The following P2RX5 variants were observed in gnomAD, a reference collection of about 807,000 sequenced individuals.
P2RX5 encodes the protein purinergic receptor P2X 5, also known as P2X purinoceptor 5.
In P2RX5, 46 loss-of-function variants were observed where a neutral mutation model predicts 54.1. The ratio of observed to expected loss-of-function variants is 0.85; its 90% confidence interval spans 0.67 to 1.09. The LOEUF is 1.09. Among genes scored for constraint, P2RX5 ranks in the 50% least tolerant of loss-of-function variants. P2RX5 has a pLI of 0.00. For synonymous variants in P2RX5, 226 were observed against 226.4 expected (o/e 1.00, Z 0.02); for missense variants, 566 against 549.8 (o/e 1.03, Z -0.29).
chr17:3,674,884 G>A (rs160586), intron 11 of P2RX5, among the ~76,000 whole-genome samples: 71,819 of 152,018 alleles, frequency 0.47, 18,080 homozygotes, highest in African/African-American at 0.65. Flanking sequence ...TGATCATTTG[G>A]TAAGGGTTCA....
upstream of P2RX5, among the ~76,000 whole-genome samples, chr17:3,699,979 T>G (rs201334417): frequency 1.5e-5 from 2 of 132,130 alleles, no homozygotes. Flanking sequence ...AGAAAGAAAA[T>G]TAGTGTATTT....
At chr17:3,716,735 C>A in the P2RX5 span, 1 of 1,612,222 alleles carries the variant, frequency 6.2e-7, no homozygotes, top group Non-Finnish European at 8.5e-7. Flanking sequence ...AGTCCACCAA[C>A]GCTGCCTTTA....
chr17:3,690,876 C>A, intron 3 of P2RX5, 80 bp downstream of exon 3: 1 of 1,339,594 alleles, frequency 7.5e-7, no homozygotes, highest in South Asian at 1.2e-5. Flanking sequence ...GACAGACACC[C>A]TTGCTTCAGA....
intron 10 of P2RX5, among the ~76,000 whole-genome samples, chr17:3,680,143 CTG>C (rs1204263093): frequency 2.5e-4 from 32 of 129,862 alleles, no homozygotes; most frequent in South Asian, 1.4e-3. Flanking sequence ...ATCCTCCACC[CTG>C]AGTCCTCCAT....
At chr17:3,712,819 T>C in the P2RX5 span, among the ~76,000 whole-genome samples, 2 of 152,084 alleles carry the variant, frequency 1.3e-5, no homozygotes, top group African/African-American at 2.4e-5. Flanking sequence ...GGTGGGTCCC[T>C]GTAGTCCCAG....
chr17:3,708,120 G>A, the P2RX5 span, among the ~76,000 whole-genome samples: 5 of 151,666 alleles, frequency 3.3e-5, no homozygotes, highest in Admixed American at 3.3e-4. Flanking sequence ...GGAGGGCAAG[G>A]GCAGGGCCTC....
upstream of P2RX5, among the ~76,000 whole-genome samples, chr17:3,698,497 G>A (rs144355736): frequency 5.7e-3 from 864 of 152,184 alleles, 3 homozygotes; most frequent in Middle Eastern, 0.02. Context: ...TAGGGAAGGG[G>A]TGAGTAAGTG....
chr17:3,702,586 G>A, the P2RX5 span, among the ~76,000 whole-genome samples: 2 of 152,164 alleles, frequency 1.3e-5, no homozygotes, highest in Non-Finnish European at 1.5e-5. Context: ...CACTCACTGC[G>A]AAGGTCTGAA....
the P2RX5 span, chr17:3,716,599 C>G: frequency 2.6e-6 from 2 of 782,084 alleles, no homozygotes; most frequent in South Asian, 1.6e-5. Flanking sequence ...GGCAGCTGCT[C>G]TAAGTCAGAG....
At chr17:3,714,697 C>G in the P2RX5 span, 2 of 517,484 alleles carry the variant, frequency 3.9e-6, no homozygotes. Context: ...AATGCACAGA[C>G]ACTTTTGGGA....
upstream of P2RX5, among the ~76,000 whole-genome samples, chr17:3,699,365 C>T (rs889089001): frequency 2.0e-5 from 3 of 151,898 alleles, no homozygotes; most frequent in Admixed American, 1.3e-4. Flanking sequence ...CACTGCACTC[C>T]AGCCTGTATG....
At chr17:3,716,565 AG>A in the P2RX5 span, 3 of 667,484 alleles carry the variant, frequency 4.5e-6, no homozygotes, top group Non-Finnish European at 8.1e-6. Context: ...TTGAAGGAGG[AG>A]AAAAAAGTGG....
the P2RX5 span, among the ~76,000 whole-genome samples, chr17:3,719,676 G>C: frequency 2.8e-3 from 424 of 152,230 alleles, 3 homozygotes; most frequent in African/African-American, 9.7e-3. Context: ...AGCACACTAA[G>C]ACAGTTACTG....
chr17:3,696,932 G>C (rs576508616), upstream of P2RX5, among the ~76,000 whole-genome samples: 4 of 136,114 alleles, frequency 2.9e-5, no homozygotes. Context: ...GGGTGGTTGT[G>C]GGGGGGAAGC....
chr17:3,711,370 C>CTTTTTTTTTTTTTTGTTTTTTTTTT, the P2RX5 span, among the ~76,000 whole-genome samples: 1 of 63,110 alleles, frequency 1.6e-5, no homozygotes, highest in Non-Finnish European at 2.6e-5. Flanking sequence ...AGCACTCATT[C>CTTTTTTTTTTTTTTGTTTTTTTTTT]TTTTTTTTTT....
the P2RX5 span, among the ~76,000 whole-genome samples, chr17:3,720,035 T>G: frequency 2.0e-5 from 3 of 152,146 alleles, no homozygotes; most frequent in African/African-American, 7.2e-5. Context: ...CTGCGAAATT[T>G]TTTTTTTTAA....
intron 6 of P2RX5, 73 bp from the exon 7 acceptor site, chr17:3,689,703 G>C (rs1003669120): frequency 1.3e-6 from 2 of 1,591,062 alleles, no homozygotes; most frequent in Non-Finnish European, 1.7e-6. Context: ...GGAGTCACTC[G>C]GTCCCTCACC....
Position 3,696,154 on chromosome 17 carries a change from G to C in P2RX5, c.-149C>G, listed in dbSNP as rs1056152913. 1 of 726,896 alleles carries C rather than the reference G, an allele frequency of 1.4e-6. No individual in the cohort carries two copies. The highest frequency in any genetic ancestry group is 3.8e-5 in the East Asian group (1 of 26,084). The allele number at this position is 726,896 out of a possible 1,614,324, so 45.0% of individuals were successfully genotyped here. A position where few individuals can be genotyped will look rare whatever the true frequency, so the allele number is the denominator to read the frequency against. On this transcript the variant is annotated 5_prime_UTR_variant, in exon 1 of 12. Transcript: ENST00000225328. ...CCGGGGTGTCCGGCAGGGCTGCGGG[G>C]CGCGGGGGCGGGTCGGGGCGGCCTT...
chr17:3,699,922 GAAAGAAAGAAAGAAAGAAA>G (rs2050806251), upstream of P2RX5, among the ~76,000 whole-genome samples: 1 of 64,276 alleles, frequency 1.6e-5, no homozygotes, highest in Non-Finnish European at 3.8e-5. Context: ...AGGAAGGAAA[GAAAGAAAGAAAGAAAGAAA>G]GAAAGAAAGA....
Sources: gnomAD v4.1 joint callset for allele counts (sites outside exome capture counted in the v4.1 genomes callset) on GRCh38, gnomAD v4.1.1 for gene constraint, MANE v1.5 for transcripts, NCBI Gene and HGNC (gene_info 2026-07-23, HGNC 2026-07-21) for gene names.